Variants in IL1RAPL2 observed in about 807,000 individuals in gnomAD.
The protein encoded by IL1RAPL2 is X-linked interleukin-1 receptor accessory protein-like 2.
In IL1RAPL2, 3 loss-of-function variants were observed where a neutral mutation model predicts 44.1. That is an observed-to-expected ratio of 0.07 (90% CI 0.03 to 0.18). The LOEUF is 0.18. Among genes scored for constraint, IL1RAPL2 ranks in the 10% least tolerant of loss-of-function variants. The pLI, the probability that IL1RAPL2 is intolerant of heterozygous loss-of-function variation, is 1.00. For synonymous variants in IL1RAPL2, 181 were observed against 178.8 expected (o/e 1.01, Z -0.10); for missense variants, 391 against 496.4 (o/e 0.79, Z 2.02).
intron 5 of IL1RAPL2, among the ~76,000 whole-genome samples, chrX:105,309,977 T>A (rs1408951313): frequency 1.8e-5 from 2 of 111,393 alleles, no homozygotes; most frequent in African/African-American, 6.5e-5. Context: ...AGTTTGAGTA[T>A]CATGATTATG....
At chrX:104,857,454 T>C (rs186911726) in intron 2 of IL1RAPL2, among the ~76,000 whole-genome samples, 1 of 111,903 alleles carries the variant, frequency 8.9e-6, no homozygotes, top group East Asian at 2.8e-4. Context: ...TCTCCCATAG[T>C]GTATTTACTA....
chrX:104,936,853 G>T (rs936845043), intron 2 of IL1RAPL2, among the ~76,000 whole-genome samples: 1 of 110,582 alleles, frequency 9.0e-6, no homozygotes, highest in Admixed American at 9.6e-5. Context: ...TGATCCACCC[G>T]CCTCGGCCTC....
chrX:105,614,981 G>GA (rs763219428), intron 6 of IL1RAPL2, among the ~76,000 whole-genome samples: 1 of 110,738 alleles, frequency 9.0e-6, no homozygotes, highest in Admixed American at 9.6e-5. Context: ...CAATTCTATA[G>GA]AAAAAAAATC....
chrX:105,451,915 T>C (rs2036022150), intron 5 of IL1RAPL2, among the ~76,000 whole-genome samples: 1 of 111,422 alleles, frequency 9.0e-6, no homozygotes, highest in South Asian at 3.7e-4. Flanking sequence ...TATGAACTTA[T>C]AGACACTATC....
At chrX:105,737,927 A>G (rs1485166870) in intron 7 of IL1RAPL2, among the ~76,000 whole-genome samples, 2 of 112,173 alleles carry the variant, frequency 1.8e-5, no homozygotes, top group Non-Finnish European at 3.8e-5. Flanking sequence ...AACAATTTAT[A>G]GAAAAACTAA....
intron 4 of IL1RAPL2, among the ~76,000 whole-genome samples, chrX:105,256,402 C>T (rs2034315568): frequency 9.3e-6 from 1 of 107,844 alleles, no homozygotes; most frequent in Non-Finnish European, 1.9e-5. Context: ...GATCTCAGCT[C>T]GCTTCAACCT....
chrX:104,834,057 C>T (rs1393916925), intron 2 of IL1RAPL2, among the ~76,000 whole-genome samples: 1 of 111,624 alleles, frequency 9.0e-6, no homozygotes, highest in Non-Finnish European at 1.9e-5. Flanking sequence ...GTGACAACAA[C>T]TAAACCAAAG....
intron 6 of IL1RAPL2, among the ~76,000 whole-genome samples, chrX:105,572,246 C>T (rs751120904): frequency 2.7e-5 from 3 of 111,613 alleles, no homozygotes; most frequent in Non-Finnish European, 5.7e-5. Flanking sequence ...TTACAAGAAA[C>T]TTTAGCATCA....
At chrX:105,151,168 T>C (rs979786594) in intron 2 of IL1RAPL2, among the ~76,000 whole-genome samples, 2 of 112,160 alleles carry the variant, frequency 1.8e-5, no homozygotes, top group African/African-American at 3.2e-5. Flanking sequence ...TTGGTGTCTC[T>C]GGACCACTGC....
intron 6 of IL1RAPL2, among the ~76,000 whole-genome samples, chrX:105,668,229 T>C (rs1042037509): frequency 1.4e-4 from 16 of 112,045 alleles, no homozygotes; most frequent in Non-Finnish European, 3.0e-4. Flanking sequence ...GTTTTTGAGG[T>C]GACAAGGTGG....
At chrX:104,897,630 A>G (rs989898413) in intron 2 of IL1RAPL2, among the ~76,000 whole-genome samples, 1 of 112,352 alleles carries the variant, frequency 8.9e-6, no homozygotes, top group African/African-American at 3.2e-5. Context: ...GATTAGCAGG[A>G]TGCTTCTTAT....
At chrX:105,585,759 T>C (rs1434220720) in intron 6 of IL1RAPL2, among the ~76,000 whole-genome samples, 1 of 112,018 alleles carries the variant, frequency 8.9e-6, no homozygotes, top group African/African-American at 3.2e-5. Flanking sequence ...CTTTACCCAG[T>C]CTATCATTTA....
chrX:105,146,153 A>T (rs2033177601), intron 2 of IL1RAPL2, among the ~76,000 whole-genome samples: 1 of 111,344 alleles, frequency 9.0e-6, no homozygotes, highest in Admixed American at 9.6e-5. Context: ...AGCCACTAAA[A>T]TTTTTTGTCA....
At chrX:105,728,571 A>T (rs1169780982) in intron 7 of IL1RAPL2, among the ~76,000 whole-genome samples, 1 of 111,543 alleles carries the variant, frequency 9.0e-6, no homozygotes, top group Non-Finnish European at 1.9e-5. Flanking sequence ...AAAGAAGTTA[A>T]CAGATAAGAG....
intron 5 of IL1RAPL2, among the ~76,000 whole-genome samples, chrX:105,339,287 T>C (rs773618093): frequency 9.6e-6 from 1 of 104,441 alleles, no homozygotes; most frequent in South Asian, 4.7e-4. Context: ...AGGTTCCTTT[T>C]TGGAAAGTCT....
chrX:105,560,722 C>T (rs2036929927), intron 6 of IL1RAPL2, among the ~76,000 whole-genome samples: 1 of 110,803 alleles, frequency 9.0e-6, no homozygotes, highest in African/African-American at 3.3e-5. Context: ...GTGCCTGCCT[C>T]ATGTAGGCTT....
chrX:105,537,228 G>C (rs1349930019), intron 6 of IL1RAPL2, among the ~76,000 whole-genome samples: 2 of 111,927 alleles, frequency 1.8e-5, no homozygotes, highest in Non-Finnish European at 1.9e-5. Flanking sequence ...CAGTTAAACA[G>C]ACATTAGGTG....
chrX:105,657,705 C>A (rs1602505445), intron 6 of IL1RAPL2, among the ~76,000 whole-genome samples: 1 of 111,957 alleles, frequency 8.9e-6, no homozygotes, highest in Non-Finnish European at 1.9e-5. Flanking sequence ...ACCTCCGCCT[C>A]CCGGTTCAAG....
intron 3 of IL1RAPL2, among the ~76,000 whole-genome samples, chrX:105,214,765 T>C (rs921764068): frequency 3.6e-5 from 4 of 111,921 alleles, no homozygotes; most frequent in Non-Finnish European, 7.5e-5. Flanking sequence ...ATGGAAATCA[T>C]AACAGTCTCT....
Sources: allele counts gnomAD v4.1 joint callset (sites outside exome capture counted in the v4.1 genomes callset), GRCh38; gene constraint gnomAD v4.1.1; transcripts MANE v1.5; gene names NCBI Gene and HGNC (gene_info 2026-07-23, HGNC 2026-07-21).